The following LRRTM4 variants were observed in gnomAD, a reference collection of about 807,000 sequenced individuals.
LRRTM4 encodes the protein leucine rich repeat transmembrane neuronal 4.
A neutral mutation model predicts 47.6 loss-of-function variants in LRRTM4; 25 were observed. The observed-to-expected ratio is 0.53, with a 90% confidence interval of 0.38 to 0.73. LRRTM4 has a LOEUF of 0.73. Among genes scored for constraint, LRRTM4 ranks in the 30% least tolerant of loss-of-function variants. The pLI is 0.00. For synonymous variants in LRRTM4, 311 were observed against 269.5 expected, an observed-to-expected ratio of 1.15 and a Z score of -1.51; for missense variants, 638 against 713.4, an observed-to-expected ratio of 0.89 and a Z score of 1.20.
chr2:77,133,548 C>A (rs941425018), intron 3 of LRRTM4, among the ~76,000 whole-genome samples: 2 of 151,932 alleles, frequency 1.3e-5, no homozygotes, highest in African/African-American at 4.8e-5. Context: ...AATAAGATAC[C>A]ATTTGGACTT....
intron 3 of LRRTM4, among the ~76,000 whole-genome samples, chr2:77,206,234 GGTGGTGCAATCTT>G (rs1674122741): frequency 6.6e-6 from 1 of 150,868 alleles, no homozygotes; most frequent in African/African-American, 2.4e-5. Context: ...GCTGGAATGA[GGTGGTGCAATCTT>G]TGCTCCCTGT....
At chr2:77,203,110 C>CACATATATACATATATAT (rs1674024174) in intron 3 of LRRTM4, among the ~76,000 whole-genome samples, 1 of 151,704 alleles carries the variant, frequency 6.6e-6, no homozygotes, top group Non-Finnish European at 1.5e-5. Flanking sequence ...TATATACACA[C>CACATATATACATATATAT]ACATATATAC....
rs1431422391 is a variant in LRRTM4, at chr2:76,807,413, T to TAC, written c.1552-58498_1552-58497insGT. On this transcript the variant is annotated intron_variant, in intron 3 of 3. Transcript: ENST00000409884. ...ATATATATATATGTATATACGTATA[T>TAC]ATATATATATACATATATATATACG... 1.7e-3 allele frequency among the ~76,000 whole-genome samples: 158 copies of TAC among 95,004 alleles called. 3 individuals are homozygous for TAC. Among genetic ancestry groups the TAC allele is most frequent in the Admixed American group, 2.2e-3 (17 of 7,660 alleles). The allele number at this position is 95,004 out of a possible 152,430, so 62.3% of individuals were successfully genotyped here. A position where few individuals can be genotyped will look rare whatever the true frequency, so the allele number is the denominator to read the frequency against.
intron 3 of LRRTM4, among the ~76,000 whole-genome samples, chr2:77,336,267 A>C (rs1375155016): frequency 6.6e-6 from 1 of 150,892 alleles, no homozygotes; most frequent in African/African-American, 2.4e-5. Context: ...GAAGGAAAGA[A>C]GGAAGGAAGG....
chr2:76,860,190 A>G (rs1328511660), intron 3 of LRRTM4, among the ~76,000 whole-genome samples: 2 of 152,186 alleles, frequency 1.3e-5, no homozygotes, highest in Admixed American at 6.6e-5. Context: ...TCAGTCTTCA[A>G]ATAGCCTCAA....
At chr2:77,399,652 G>A (rs1673863230) in intron 3 of LRRTM4, among the ~76,000 whole-genome samples, 1 of 151,880 alleles carries the variant, frequency 6.6e-6, no homozygotes, top group South Asian at 2.1e-4. Flanking sequence ...TATTTTCACA[G>A]TGATCGTATG....
intron 3 of LRRTM4, among the ~76,000 whole-genome samples, chr2:76,968,332 G>GTA (rs1320069509): frequency 2.5e-4 from 29 of 114,986 alleles, no homozygotes; most frequent in African/African-American, 8.9e-4. Context: ...ACAAAAGTGT[G>GTA]TATGTGTGTA....
intron 3 of LRRTM4, among the ~76,000 whole-genome samples, chr2:76,958,237 T>G (rs1429141235): frequency 6.6e-6 from 1 of 151,790 alleles, no homozygotes; most frequent in Non-Finnish European, 1.5e-5. Flanking sequence ...AAATTTACTG[T>G]CACAATCTTT....
chr2:77,350,456 A>G (rs550131007), intron 3 of LRRTM4, among the ~76,000 whole-genome samples: 1 of 151,986 alleles, frequency 6.6e-6, no homozygotes, highest in African/African-American at 2.4e-5. Context: ...GGCTTTCTAA[A>G]ATTTCTTCTA....
chr2:77,169,095 T>C (rs1672971505), intron 3 of LRRTM4, among the ~76,000 whole-genome samples: 1 of 152,118 alleles, frequency 6.6e-6, no homozygotes. Context: ...GTCAAGATCA[T>C]ATATGACAAA....
At chr2:77,492,712 G>A (rs1488538762) in intron 3 of LRRTM4, among the ~76,000 whole-genome samples, 1 of 152,080 alleles carries the variant, frequency 6.6e-6, no homozygotes, top group East Asian at 1.9e-4. Context: ...ATGAAATTAA[G>A]AATCAAGGTA....
At chr2:77,330,243 A>G (rs1490905682) in intron 3 of LRRTM4, among the ~76,000 whole-genome samples, 2 of 152,204 alleles carry the variant, frequency 1.3e-5, no homozygotes, top group Non-Finnish European at 2.9e-5. Flanking sequence ...GGCATTCAGC[A>G]AAAGTTTGAG....
intron 3 of LRRTM4, among the ~76,000 whole-genome samples, chr2:76,906,445 G>A (rs1049431618): frequency 7.9e-5 from 12 of 151,506 alleles, no homozygotes; most frequent in South Asian, 6.3e-4. Context: ...CAACTAACGA[G>A]CAAAATAACC....
intron 3 of LRRTM4, among the ~76,000 whole-genome samples, chr2:77,012,422 C>T (rs192884330): frequency 6.6e-6 from 1 of 152,148 alleles, no homozygotes; most frequent in Non-Finnish European, 1.5e-5. Flanking sequence ...TTTGTAAACT[C>T]CTCCCTTCCA....
chr2:77,089,178 C>T lies in LRRTM4; in HGVS notation c.1552-340262G>A, dbSNP rs374178670. 1.5e-3 allele frequency among the ~76,000 whole-genome samples: 183 copies of T among 119,984 alleles called. 1 individual carries two copies. In the East Asian group the frequency reaches 0.047, roughly 31 times the overall value. 78.7% of individuals were successfully genotyped at this position (119,984 alleles called of 152,430 possible). A position where few individuals can be genotyped will look rare whatever the true frequency, so the allele number is the denominator to read the frequency against. ...GGGCAAATACCCCAACCCCTTCTCT[C>T]CTTGTCTCTACCCCTTCTCTGCTTT... On this transcript the variant is annotated intron_variant, in intron 3 of 3. Transcript: ENST00000409884.
chr2:76,793,400 T>C (rs188221234), intron 3 of LRRTM4, among the ~76,000 whole-genome samples: 1 of 152,230 alleles, frequency 6.6e-6, no homozygotes, highest in Admixed American at 6.5e-5. Context: ...TTTGGCCAAT[T>C]ACTGAAATCG....
intron 3 of LRRTM4, among the ~76,000 whole-genome samples, chr2:77,163,954 T>G (rs1672806800): frequency 6.6e-6 from 1 of 152,178 alleles, no homozygotes; most frequent in Admixed American, 6.5e-5. Flanking sequence ...AATTCACACA[T>G]AATAATATTA....
At chr2:77,319,738 A>T (rs1429342550) in intron 3 of LRRTM4, among the ~76,000 whole-genome samples, 1 of 152,214 alleles carries the variant, frequency 6.6e-6, no homozygotes, top group Non-Finnish European at 1.5e-5. Flanking sequence ...TTGGCTTTAA[A>T]ACTAAGGACA....
chr2:77,255,848 C>T (rs1201645860), intron 3 of LRRTM4, among the ~76,000 whole-genome samples: 1 of 151,716 alleles, frequency 6.6e-6, no homozygotes, highest in African/African-American at 2.4e-5. Flanking sequence ...TCTAAATTCC[C>T]ACATTAAGGA....
Sources: gnomAD v4.1 joint callset for allele counts (sites outside exome capture counted in the v4.1 genomes callset) on GRCh38, gnomAD v4.1.1 for gene constraint, MANE v1.5 for transcripts, NCBI Gene and HGNC (gene_info 2026-07-23, HGNC 2026-07-21) for gene names.